Variants in CADM1 observed in about 807,000 individuals in gnomAD.
CADM1 encodes the protein cell adhesion molecule 1.
CADM1 carries 15 observed loss-of-function variants against 53.1 expected under a neutral mutation model. That is an observed-to-expected ratio of 0.28 (90% CI 0.19 to 0.44). CADM1 has a LOEUF of 0.44. Among genes scored for constraint, CADM1 ranks in the 20% least tolerant of loss-of-function variants. The pLI is 1.00. For missense variants in CADM1, 434 were observed against 611.3 expected (o/e 0.71, Z 3.06); for synonymous variants, 281 against 243.0 (o/e 1.16, Z -1.45).
chr11:115,248,332 C>G (rs1417970832), intron 1 of CADM1, among the ~76,000 whole-genome samples: 1 of 152,182 alleles, frequency 6.6e-6, no homozygotes, highest in African/African-American at 2.4e-5. Context: ...GCTGCCTTCC[C>G]TTTAAAAGAC....
chr11:115,247,089 C>T (rs535607715), intron 1 of CADM1, among the ~76,000 whole-genome samples: 4 of 152,130 alleles, frequency 2.6e-5, no homozygotes, highest in East Asian at 1.9e-4. Flanking sequence ...TCTCTATTTT[C>T]GCTTAAACAC....
At chr11:115,206,508 C>A (rs1415552269) in intron 8 of CADM1, among the ~76,000 whole-genome samples, 1 of 152,092 alleles carries the variant, frequency 6.6e-6, no homozygotes. Context: ...GGAAGTCAGG[C>A]GACTCAGAAC....
intron 1 of CADM1, among the ~76,000 whole-genome samples, chr11:115,292,245 G>A (rs1399307767): frequency 1.3e-5 from 2 of 152,194 alleles, no homozygotes; most frequent in Non-Finnish European, 2.9e-5. Context: ...AGGCAGTCAT[G>A]TTTACATTAA....
Position 115,380,141 on chromosome 11 carries a change from T to A in CADM1, c.124+124130A>T, listed in dbSNP as rs117861743. Among the ~76,000 whole-genome samples, 18 of 152,328 alleles carry A rather than the reference T, an allele frequency of 1.2e-4. No individual in the cohort carries two copies. In the East Asian group the frequency reaches 3.5e-3, roughly 29 times the overall value. ...CAGAAAGGAAGAAATACAGTTCCTCTATTTCCTTATTTCCATAATTTCAAA... is the reference window on the plus strand; with the variant it reads ...CAGAAAGGAAGAAATACAGTTCCTCAATTTCCTTATTTCCATAATTTCAAA... On this transcript the variant is annotated intron_variant, in intron 1 of 11. Coordinates refer to ENST00000331581, the MANE Select transcript of CADM1 (RefSeq NM_001301043.2).
chr11:115,293,933 G>A (rs775113902), intron 1 of CADM1, among the ~76,000 whole-genome samples: 13 of 152,062 alleles, frequency 8.5e-5, no homozygotes, highest in Non-Finnish European at 2.9e-5. Context: ...GAACTCACAG[G>A]GTTCAGATTC....
chr11:115,404,346 A>AATATAT (rs869231204), intron 1 of CADM1, among the ~76,000 whole-genome samples: 31 of 33,718 alleles, frequency 9.2e-4, no homozygotes, highest in East Asian at 3.1e-3. Context: ...AAAAAAAAAA[A>AATATAT]ATATATATAT....
intron 1 of CADM1, among the ~76,000 whole-genome samples, chr11:115,445,608 T>C (rs1193827970): frequency 6.6e-6 from 1 of 151,944 alleles, no homozygotes; most frequent in Admixed American, 6.6e-5. Context: ...CTTTGGGAGA[T>C]TGAGGCGAAT....
intron 1 of CADM1, among the ~76,000 whole-genome samples, chr11:115,498,929 C>T (rs1949677039): frequency 6.6e-6 from 1 of 152,062 alleles, no homozygotes; most frequent in Non-Finnish European, 1.5e-5. Context: ...GGGGATAGAG[C>T]GACCAGGGGT....
At chr11:115,273,385 G>A (rs1324845217) in intron 1 of CADM1, among the ~76,000 whole-genome samples, 4 of 151,814 alleles carry the variant, frequency 2.6e-5, no homozygotes, top group East Asian at 3.9e-4. Context: ...CACATTATTC[G>A]ATTCTGTGCT....
rs143549546 is a variant in CADM1 at position 115,415,013 on chromosome 11, A to G, written c.124+89258T>C. Among the ~76,000 whole-genome samples the G allele has an allele frequency of 1.3e-3, 199 of 152,300 alleles. 1 individual carries two copies. The highest frequency in any genetic ancestry group is 4.5e-3 in the African/African-American group (187 of 41,570). On this transcript the variant is annotated intron_variant, in intron 1 of 11. Coordinates refer to ENST00000331581, the MANE Select transcript of CADM1 (RefSeq NM_001301043.2). ...ATTTTAAAAGGATCTACGACTTTAG[A>G]CTTGGATGAGGAAGAACTAGCATAT...
chr11:115,426,734 C>T (rs564644097), intron 1 of CADM1, among the ~76,000 whole-genome samples: 6 of 152,108 alleles, frequency 3.9e-5, no homozygotes, highest in Admixed American at 1.3e-4. Flanking sequence ...GGCCCCTCCA[C>T]AGCTTGGATG....
chr11:115,403,822 C>T (rs1417709500), intron 1 of CADM1, among the ~76,000 whole-genome samples: 2 of 149,288 alleles, frequency 1.3e-5, no homozygotes, highest in Non-Finnish European at 2.9e-5. Context: ...GTCTCGAACT[C>T]CTGACCTCAA....
intron 1 of CADM1, among the ~76,000 whole-genome samples, chr11:115,302,037 G>A (rs541354578): frequency 1.4e-4 from 21 of 151,914 alleles, no homozygotes; most frequent in African/African-American, 4.8e-4. Flanking sequence ...TTCAGTAAAC[G>A]CAGACACACA....
intron 1 of CADM1, among the ~76,000 whole-genome samples, chr11:115,458,718 G>A (rs1284573587): frequency 2.0e-5 from 3 of 151,910 alleles, no homozygotes; most frequent in Non-Finnish European, 2.9e-5. Context: ...TCTGTGGCTT[G>A]TAATCTAATG....
chr11:115,422,402 T>A (rs1947779927), intron 1 of CADM1, among the ~76,000 whole-genome samples: 1 of 152,084 alleles, frequency 6.6e-6, no homozygotes, highest in Non-Finnish European at 1.5e-5. Flanking sequence ...GCATTACAAC[T>A]CCCCAGAAAG....
chr11:115,253,983 T>C (rs1465755303), intron 1 of CADM1, among the ~76,000 whole-genome samples: 1 of 152,212 alleles, frequency 6.6e-6, no homozygotes, highest in Admixed American at 6.5e-5. Context: ...CTCAGGATTC[T>C]CACACATAAT....
intron 1 of CADM1, among the ~76,000 whole-genome samples, chr11:115,281,374 A>C (rs1943579694): frequency 6.6e-6 from 1 of 152,224 alleles, no homozygotes. Flanking sequence ...CCCCCTCAAG[A>C]CTTGAGCTTA....
At chr11:115,222,524 T>C (rs185280567) in intron 5 of CADM1, among the ~76,000 whole-genome samples, 39 of 152,288 alleles carry the variant, frequency 2.6e-4, no homozygotes, top group Admixed American at 2.2e-3. Flanking sequence ...AATACATTCA[T>C]GAATAATTTT....
intron 1 of CADM1, among the ~76,000 whole-genome samples, chr11:115,338,319 C>T (rs1945321718): frequency 6.6e-6 from 1 of 151,878 alleles, no homozygotes; most frequent in Non-Finnish European, 1.5e-5. Context: ...AATAATTTGC[C>T]TAAGGTTACT....
Sources: allele counts gnomAD v4.1 joint callset (sites outside exome capture counted in the v4.1 genomes callset), GRCh38; gene constraint gnomAD v4.1.1; transcripts MANE v1.5; gene names NCBI Gene and HGNC (gene_info 2026-07-23, HGNC 2026-07-21).